The following ELOVL6 variants were observed in gnomAD, a reference collection of about 807,000 sequenced individuals.
ELOVL6 encodes very long chain fatty acid elongase 6.
A neutral mutation model predicts 31.7 loss-of-function variants in ELOVL6; 8 were observed. That is an observed-to-expected ratio of 0.25 (90% CI 0.15 to 0.45). ELOVL6 has a LOEUF of 0.45. Among genes scored for constraint, ELOVL6 ranks in the 20% least tolerant of loss-of-function variants. ELOVL6 has a pLI of 1.00. For missense variants in ELOVL6, 126 were observed against 326.4 expected (o/e 0.39, Z 4.73); for synonymous variants, 101 against 117.7 (o/e 0.86, Z 0.92).
At chr4:110,170,905 A>G (rs4349664) in intron 1 of ELOVL6, among the ~76,000 whole-genome samples, 124,936 of 152,126 alleles carry the variant, frequency 0.82, 51,488 homozygotes, top group East Asian at 0.88. Flanking sequence ...AAAGGCCTCA[A>G]AAAATGGAAT....
At chr4:110,173,143 CT>C (rs1176940762) in intron 1 of ELOVL6, among the ~76,000 whole-genome samples, 1 of 152,158 alleles carries the variant, frequency 6.6e-6, no homozygotes, top group Non-Finnish European at 1.5e-5. Context: ...CAAATAGCAC[CT>C]ATGACCTGCT....
chr4:110,172,900 A>G, intron 1 of ELOVL6, among the ~76,000 whole-genome samples: 1 of 152,074 alleles, frequency 6.6e-6, no homozygotes, highest in East Asian at 1.9e-4. Flanking sequence ...TACTCCCTGG[A>G]CCTCCCAAAC....
chr4:110,103,848 C>T (rs1371689386), intron 2 of ELOVL6, among the ~76,000 whole-genome samples: 1 of 152,070 alleles, frequency 6.6e-6, no homozygotes, highest in Non-Finnish European at 1.5e-5. Flanking sequence ...TATGAGACAA[C>T]TGAAGAAATT....
chr4:110,102,527 T>C (rs756714557), intron 2 of ELOVL6, among the ~76,000 whole-genome samples: 3 of 152,000 alleles, frequency 2.0e-5, no homozygotes, highest in Non-Finnish European at 4.4e-5. Flanking sequence ...GCCGTGGTGG[T>C]ACATGCCCAT....
rs57115145 is a variant in ELOVL6, at chr4:110,087,804, T to TAA, written c.221+17691_221+17692dup. On this transcript the variant is annotated intron_variant, in intron 2 of 3. Coordinates refer to ENST00000302274, the MANE Select transcript of ELOVL6 (RefSeq NM_024090.3). ...GCTCCTGTTACCTAAAATAAAATTG[T>TAA]AAAAAAAAAAAAAACCTCCTATTTT... Among the ~76,000 whole-genome samples the TAA allele has an allele frequency of 6.3e-5, 9 of 142,622 alleles. No homozygotes were observed. In the East Asian group the frequency reaches 8.1e-4, roughly 13 times the overall value. The allele number at this position is 142,622 out of a possible 152,430, so 93.6% of individuals were successfully genotyped here.
At chr4:110,077,307 AC>A (rs1447426881) in intron 2 of ELOVL6, among the ~76,000 whole-genome samples, 2 of 152,004 alleles carry the variant, frequency 1.3e-5, no homozygotes, top group African/African-American at 2.4e-5. Context: ...TGGGTCCCTG[AC>A]CCCCGAGTAG....
At chr4:110,099,599 A>G (rs1756684218) in intron 2 of ELOVL6, among the ~76,000 whole-genome samples, 1 of 152,132 alleles carries the variant, frequency 6.6e-6, no homozygotes, top group Admixed American at 6.5e-5. Context: ...TTTAACACCA[A>G]ATTATCTTTT....
At chr4:110,186,822 A>AAAAAT (rs1553963193) in intron 1 of ELOVL6, among the ~76,000 whole-genome samples, 34 of 59,428 alleles carry the variant, frequency 5.7e-4, no homozygotes, top group African/African-American at 1.8e-3. Context: ...AAAAAAAAAA[A>AAAAAT]ATATATATAT....
At chr4:110,061,033 G>T (rs1209402892) in intron 2 of ELOVL6, among the ~76,000 whole-genome samples, 3 of 152,206 alleles carry the variant, frequency 2.0e-5, no homozygotes, top group Non-Finnish European at 2.9e-5. Flanking sequence ...TTGGGTCTTT[G>T]TAAGTAGCTT....
At chr4:110,129,992 G>GT (rs1416859366) in intron 1 of ELOVL6, among the ~76,000 whole-genome samples, 1 of 146,764 alleles carries the variant, frequency 6.8e-6, no homozygotes, top group Non-Finnish European at 1.5e-5. Flanking sequence ...CTGCCTCCCG[G>GT]GTTCAAGCAG....
In ELOVL6 at chr4:110,197,211, G is replaced by T. The variant is rs189969014; in HGVS notation, c.89+1036C>A. ...CCTAGCTCCGGGGTGCGTTGGGCTTGAACTTTACAGATCGCCAGACCCGAA... is the reference window on the plus strand; with the variant it reads ...CCTAGCTCCGGGGTGCGTTGGGCTTTAACTTTACAGATCGCCAGACCCGAA... On this transcript the variant is annotated intron_variant, in intron 1 of 3. Coordinates refer to ENST00000302274, the MANE Select transcript of ELOVL6 (RefSeq NM_024090.3). Among the ~76,000 whole-genome samples, 7 of 152,338 alleles carry T rather than the reference G, an allele frequency of 4.6e-5. No individual in the cohort carries two copies. The South Asian group carries it at 1.4e-3, about 32-fold the overall frequency.
intron 1 of ELOVL6, among the ~76,000 whole-genome samples, chr4:110,153,963 A>G (rs1178367781): frequency 6.6e-6 from 1 of 152,166 alleles, no homozygotes; most frequent in African/African-American, 2.4e-5. Flanking sequence ...TTTCTCCCCA[A>G]TTTTATACCA....
intron 1 of ELOVL6, among the ~76,000 whole-genome samples, chr4:110,160,427 G>A (rs938751640): frequency 6.6e-6 from 1 of 152,104 alleles, no homozygotes; most frequent in African/African-American, 2.4e-5. Context: ...TATCAGACAT[G>A]CTATGTATAT....
chr4:110,184,326 G>A (rs1759380062), intron 1 of ELOVL6, among the ~76,000 whole-genome samples: 1 of 152,166 alleles, frequency 6.6e-6, no homozygotes, highest in Non-Finnish European at 1.5e-5. Context: ...AAATTCTGTG[G>A]TAAGCACTGA....
Position 110,130,409 on chromosome 4 carries a change from T to C in ELOVL6, c.90-24781A>G, listed in dbSNP as rs113000582. ...TGAGCTGCCTGATCTGTGGGAGCTC[T>C]GTCAGTACCATAAGACAGCGGGGAA... On this transcript the variant is annotated intron_variant, in intron 1 of 3. Coordinates refer to ENST00000302274, the MANE Select transcript of ELOVL6 (RefSeq NM_024090.3). Among the ~76,000 whole-genome samples, 132 of 152,296 alleles carry C rather than the reference T, an allele frequency of 8.7e-4. 1 individual carries two copies. The highest frequency in any genetic ancestry group is 2.8e-3 in the African/African-American group (118 of 41,560).
chr4:110,095,498 A>T (rs952616656), intron 2 of ELOVL6, among the ~76,000 whole-genome samples: 3 of 150,666 alleles, frequency 2.0e-5, no homozygotes, highest in African/African-American at 2.4e-5. Flanking sequence ...AAAAAAAAAA[A>T]GGCATGAAAT....
In ELOVL6 at chr4:110,051,858, T is replaced by C. The variant is rs559985492; in HGVS notation, c.374-96A>G. 26 of 1,042,108 alleles carry C rather than the reference T, an allele frequency of 2.5e-5. No homozygotes were observed. In the African/African-American group the frequency reaches 3.2e-4, roughly 13 times the overall value. The allele number at this position is 1,042,108 out of a possible 1,614,324, so 64.6% of individuals were successfully genotyped here. On this transcript the variant is annotated intron_variant, in intron 3 of 3. Coordinates refer to ENST00000302274, the MANE Select transcript of ELOVL6 (RefSeq NM_024090.3). The surrounding 1 kb of genome is among the most constrained non-coding windows in gnomAD (Gnocchi z 4.8). ...GAGGGTAGACATCCTGAGCTAGGAC[T>C]GGAGAGTTACATAGACTGGATTAGA...
chr4:110,053,508 T>A (rs761204540), intron 3 of ELOVL6, among the ~76,000 whole-genome samples: 11 of 152,172 alleles, frequency 7.2e-5, no homozygotes, highest in Non-Finnish European at 1.3e-4. Flanking sequence ...TTGTTTACAA[T>A]AGAAAAAGAA....
intron 1 of ELOVL6, among the ~76,000 whole-genome samples, chr4:110,112,561 T>A (rs915923135): frequency 6.6e-6 from 1 of 152,184 alleles, no homozygotes; most frequent in Non-Finnish European, 1.5e-5. Flanking sequence ...CTGCTCTAGT[T>A]AGCAAAATCA....
Sources: gnomAD v4.1 joint callset for allele counts (sites outside exome capture counted in the v4.1 genomes callset) on GRCh38, gnomAD v4.1.1 for gene constraint, Gnocchi (gnomAD v3.1) non-coding constraint, MANE v1.5 for transcripts, NCBI Gene and HGNC (gene_info 2026-07-23, HGNC 2026-07-21) for gene names.